The following SH3RF3 variants were observed in gnomAD, a reference collection of about 807,000 sequenced individuals.
SH3RF3 encodes the protein E3 ubiquitin-protein ligase SH3RF3.
In SH3RF3, 29 loss-of-function variants were observed where a neutral mutation model predicts 66.3. The ratio of observed to expected loss-of-function variants is 0.44; its 90% CI spans 0.33 to 0.60. The LOEUF is 0.60. Among genes scored for constraint, SH3RF3 ranks in the 20% least tolerant of loss-of-function variants. SH3RF3 has a pLI of 0.04. For synonymous variants in SH3RF3, 583 were observed against 532.0 expected (o/e 1.10, Z -1.32); for missense variants, 1,194 against 1,190.9 (o/e 1.00, Z -0.04).
At chr2:109,255,465 G>A (rs768565002) in intron 1 of SH3RF3, among the ~76,000 whole-genome samples, 10 of 152,198 alleles carry the variant, frequency 6.6e-5, no homozygotes, top group Non-Finnish European at 1.0e-4. Flanking sequence ...GGTTGGACTG[G>A]GGTTCGTATT....
intron 1 of SH3RF3, among the ~76,000 whole-genome samples, chr2:109,273,062 A>G (rs1680665924): frequency 6.6e-6 from 1 of 152,218 alleles, no homozygotes; most frequent in Non-Finnish European, 1.5e-5. Flanking sequence ...CCAGTAGTCA[A>G]ATAGAAGTTG....
intron 1 of SH3RF3, among the ~76,000 whole-genome samples, chr2:109,235,030 C>T (rs546499713): frequency 3.3e-5 from 5 of 152,160 alleles, no homozygotes; most frequent in African/African-American, 4.8e-5. Context: ...CTGCCCTGGT[C>T]CCTTCAGCCC....
At chr2:109,400,699 C>T (rs1387176439) in intron 4 of SH3RF3, among the ~76,000 whole-genome samples, 12 of 146,454 alleles carry the variant, frequency 8.2e-5, no homozygotes, top group Non-Finnish European at 1.1e-4. Context: ...CACACCTGCA[C>T]GCATATGTGT....
chr2:109,397,683 G>A (rs1185976962), intron 3 of SH3RF3, among the ~76,000 whole-genome samples: 4 of 152,316 alleles, frequency 2.6e-5, no homozygotes, highest in Middle Eastern at 3.4e-3. Context: ...TACCTCCCCA[G>A]GCTGTGTAAT....
At chr2:109,312,660 G>A (rs1389868134) in intron 1 of SH3RF3, among the ~76,000 whole-genome samples, 4 of 152,246 alleles carry the variant, frequency 2.6e-5, no homozygotes, top group East Asian at 1.9e-4. Flanking sequence ...CTTTTACTTC[G>A]TATTTTCGAA....
At chr2:109,414,240 G>A (rs1173315026) in intron 4 of SH3RF3, among the ~76,000 whole-genome samples, 1 of 152,166 alleles carries the variant, frequency 6.6e-6, no homozygotes, top group African/African-American at 2.4e-5. Context: ...TTTGTTGAGG[G>A]CCTATTCTGT....
chr2:109,490,945 A>C lies in SH3RF3; in HGVS notation c.2480+9A>C, dbSNP rs1679115501. 1 of 1,477,186 alleles carries C rather than the reference A, an allele frequency of 6.8e-7. No homozygotes were observed. The highest frequency in any genetic ancestry group is 1.4e-5 in the South Asian group (1 of 73,894). The allele number at this position is 1,477,186 out of a possible 1,614,324, so 91.5% of individuals were successfully genotyped here. A position where few individuals can be genotyped will look rare whatever the true frequency, so the allele number is the denominator to read the frequency against. On this transcript the variant is annotated intron_variant, in intron 9 of 9. Coordinates refer to ENST00000309415, the MANE Select transcript of SH3RF3 (RefSeq NM_001099289.3). ...CTGTTGCCCAGAGAGAGGTAAGTGC[A>C]GGGGCTTGTCTGCTCTGTGGCATGC... is the stretch of plus-strand genomic sequence containing the variant.
At chr2:109,435,028 C>T (rs1002347409) in intron 6 of SH3RF3, among the ~76,000 whole-genome samples, 4 of 152,182 alleles carry the variant, frequency 2.6e-5, no homozygotes, top group Non-Finnish European at 1.5e-5. Context: ...TGCTCACTCT[C>T]CTCAAGCCCT....
chr2:109,331,831 C>T (rs568480717), intron 1 of SH3RF3, among the ~76,000 whole-genome samples: 102 of 152,220 alleles, frequency 6.7e-4, no homozygotes, highest in African/African-American at 2.4e-3. Flanking sequence ...AGATCTTTGC[C>T]AGGGGCACCC....
intron 1 of SH3RF3, among the ~76,000 whole-genome samples, chr2:109,202,822 C>T (rs112445472): frequency 0.027 from 4,138 of 152,268 alleles, 187 homozygotes; most frequent in African/African-American, 0.095. Context: ...GCCCCATTCC[C>T]GGGAAAGGGC....
chr2:109,151,785 C>T (rs182145599), intron 1 of SH3RF3, among the ~76,000 whole-genome samples: 184 of 152,348 alleles, frequency 1.2e-3, no homozygotes, highest in African/African-American at 4.2e-3. Context: ...GGCACCAGTG[C>T]ACTTTTTATG....
At chr2:109,261,983 C>G (rs954261452) in intron 1 of SH3RF3, among the ~76,000 whole-genome samples, 5 of 152,126 alleles carry the variant, frequency 3.3e-5, no homozygotes, top group Non-Finnish European at 7.3e-5. Context: ...GGAAGGGCCA[C>G]AAAGCTCTAT....
intron 1 of SH3RF3, among the ~76,000 whole-genome samples, chr2:109,181,153 G>A (rs920912467): frequency 6.6e-6 from 1 of 152,178 alleles, no homozygotes; most frequent in Admixed American, 6.5e-5. Context: ...TCTGTGTTTG[G>A]TGTTGGACTT....
chr2:109,249,557 T>TCCG (rs1680024810), intron 1 of SH3RF3, among the ~76,000 whole-genome samples: 1 of 136,976 alleles, frequency 7.3e-6, no homozygotes, highest in African/African-American at 3.0e-5. Flanking sequence ...CCTTCCTTCC[T>TCCG]TCCTTCCTTC....
chr2:109,349,526 C>T (rs1171232683), intron 2 of SH3RF3, among the ~76,000 whole-genome samples: 2 of 152,198 alleles, frequency 1.3e-5, no homozygotes, highest in African/African-American at 4.8e-5. Context: ...AGACCTGGGA[C>T]CACTGGTGCC....
intron 1 of SH3RF3, among the ~76,000 whole-genome samples, chr2:109,143,833 C>CAT (rs1211184676): frequency 1.3e-5 from 2 of 151,610 alleles, no homozygotes; most frequent in African/African-American, 2.4e-5. Flanking sequence ...CACACACACA[C>CAT]GTATATACAC....
At chr2:109,142,641 G>A (rs1163537195) in intron 1 of SH3RF3, among the ~76,000 whole-genome samples, 2 of 152,160 alleles carry the variant, frequency 1.3e-5, no homozygotes, top group Non-Finnish European at 2.9e-5. Context: ...CCTCTGCTTG[G>A]CTGCATCTTG....
At chr2:109,352,781 C>T (rs760025910) in intron 2 of SH3RF3, among the ~76,000 whole-genome samples, 7 of 152,222 alleles carry the variant, frequency 4.6e-5, no homozygotes, top group Non-Finnish European at 1.0e-4. Flanking sequence ...AGGCTCAACT[C>T]GCAGGGCACG....
At chr2:109,382,453 C>T (rs770496038) in intron 3 of SH3RF3, among the ~76,000 whole-genome samples, 1 of 152,164 alleles carries the variant, frequency 6.6e-6, no homozygotes, top group Non-Finnish European at 1.5e-5. Flanking sequence ...CTCCTGACCC[C>T]CGACGTGGTT....
Sources: allele counts gnomAD v4.1 joint callset (sites outside exome capture counted in the v4.1 genomes callset), GRCh38; gene constraint gnomAD v4.1.1; transcripts MANE v1.5; gene names NCBI Gene and HGNC (gene_info 2026-07-23, HGNC 2026-07-21).